Variants in IL12RB2 observed in about 807,000 individuals in gnomAD.
IL12RB2 encodes interleukin-12 receptor subunit beta-2.
IL12RB2 carries 82 observed loss-of-function variants against 89.4 expected under a neutral mutation model. The ratio of observed to expected loss-of-function variants is 0.92; its 90% CI spans 0.77 to 1.10. The LOEUF (loss-of-function observed/expected upper bound fraction) is 1.10. Among genes scored for constraint, IL12RB2 ranks in the 50% least tolerant of loss-of-function variants. The pLI is 0.00. For missense variants in IL12RB2, 963 were observed against 1,031.9 expected (o/e 0.93, Z 0.92); for synonymous variants, 368 against 370.1 (o/e 0.99, Z 0.07).
intron 15 of IL12RB2, among the ~76,000 whole-genome samples, chr1:67,389,168 G>C (rs1665539245): frequency 6.6e-6 from 1 of 152,000 alleles, no homozygotes; most frequent in Non-Finnish European, 1.5e-5. Flanking sequence ...GTTATTTGTG[G>C]ACTCAGTTTT....
rs776411133 is a variant in IL12RB2 at position 67,380,134 on chromosome 1, G to A, written c.1855+11G>A. On this transcript the variant is annotated intron_variant, in intron 14 of 16. Coordinates refer to ENST00000674203, the MANE Select transcript of IL12RB2 (RefSeq NM_001374259.2). ...AATTTTGTCTGCAAGGTGAGAGGCA[G>A]TGTTAAGGATGATGAGTCCACCCTG... 6.2e-7 allele frequency: 1 copy of A among 1,614,070 alleles called. No homozygotes were observed. The highest frequency in any genetic ancestry group is 8.5e-7 in the Non-Finnish European group (1 of 1,179,908).
intron 8 of IL12RB2, 28 bp downstream of exon 8, chr1:67,330,838 CG>C: frequency 7.6e-7 from 1 of 1,314,816 alleles, no homozygotes; most frequent in Non-Finnish European, 1.1e-6. Flanking sequence ...ACATACCTAT[CG>C]GGGAGCAATA....
At position 67,360,795 on chromosome 1, in the gene IL12RB2, C is replaced by CA. The variant is rs112229362; in HGVS notation, c.1259-7015dup. ...TGGGTGACAGAGGAAAACTCCGTCT[C>CA]AAAAAAAAAAAAAAATACACCAGAG... On this transcript the variant is annotated intron_variant, in intron 10 of 16. Transcript: ENST00000674203. Among the ~76,000 whole-genome samples, 478 of 130,178 alleles carry CA rather than the reference C, an allele frequency of 3.7e-3. 2 individuals are homozygous for CA. Among genetic ancestry groups the CA allele is most frequent in the Middle Eastern group, 4.0e-3 (1 of 250 alleles). 85.4% of individuals were successfully genotyped at this position (130,178 alleles called of 152,430 possible).
rs956743224 is a variant in IL12RB2 at position 67,397,570 on chromosome 1, T to C, written c.*1481T>C. On this transcript the variant is annotated 3_prime_UTR_variant, in exon 17 of 17. Transcript: ENST00000674203. ...CAACATGGACTTGGAACATGATCCA[T>C]GTTTTGCTCTTTAAAGCTGTGGCCC... Among the ~76,000 whole-genome samples the C allele has an allele frequency of 1.3e-5, 2 of 152,172 alleles. No individual in the cohort carries two copies. The highest frequency in any genetic ancestry group is 4.8e-5 in the African/African-American group (2 of 41,446).
At chr1:67,314,202 G>C (rs569056968) in intron 2 of IL12RB2, among the ~76,000 whole-genome samples, 156 of 152,278 alleles carry the variant, frequency 1.0e-3, no homozygotes, top group African/African-American at 3.5e-3. Flanking sequence ...CTAGTAACTC[G>C]TGTAGCTCCT....
At chr1:67,371,258 A>T (rs1167826273) in intron 11 of IL12RB2, among the ~76,000 whole-genome samples, 1 of 152,150 alleles carries the variant, frequency 6.6e-6, no homozygotes, top group East Asian at 1.9e-4. Flanking sequence ...TACCCATGGC[A>T]TGTGTTTTGA....
chr1:67,331,614 C>T (rs140412554), intron 8 of IL12RB2, among the ~76,000 whole-genome samples: 41 of 152,110 alleles, frequency 2.7e-4, no homozygotes, highest in Middle Eastern at 3.4e-3. Context: ...CTGAGGTGGG[C>T]AGATCACGAG....
intron 9 of IL12RB2, among the ~76,000 whole-genome samples, chr1:67,349,513 C>T (rs1266972026): frequency 6.6e-6 from 1 of 152,182 alleles, no homozygotes; most frequent in Non-Finnish European, 1.5e-5. Flanking sequence ...TTATTCTAAT[C>T]CATACAACAG....
intron 9 of IL12RB2, among the ~76,000 whole-genome samples, chr1:67,342,204 T>C (rs1159380216): frequency 3.3e-5 from 5 of 151,636 alleles, no homozygotes; most frequent in African/African-American, 1.2e-4. Flanking sequence ...TTTTTTGTTT[T>C]TTGGGTTTTT....
intron 1 of IL12RB2, 58 bp downstream of exon 1, chr1:67,308,025 C>T (rs966113826): frequency 6.6e-5 from 10 of 152,052 alleles, no homozygotes; most frequent in African/African-American, 2.2e-4. Flanking sequence ...CCCGGACCAG[C>T]GGGGTGTCTG....
intron 4 of IL12RB2, among the ~76,000 whole-genome samples, chr1:67,322,846 C>G (rs1224522355): frequency 6.6e-6 from 1 of 152,186 alleles, no homozygotes; most frequent in Non-Finnish European, 1.5e-5. Context: ...GAACCAGCAG[C>G]CAGCAGCACA....
intron 9 of IL12RB2, among the ~76,000 whole-genome samples, chr1:67,345,375 T>A (rs1172074925): frequency 2.6e-5 from 4 of 152,226 alleles, no homozygotes; most frequent in African/African-American, 7.2e-5. Context: ...GCTTATTCAG[T>A]ACATTCACTT....
At chr1:67,308,630 C>T (rs1654603377) in intron 1 of IL12RB2, among the ~76,000 whole-genome samples, 1 of 152,160 alleles carries the variant, frequency 6.6e-6, no homozygotes, top group Non-Finnish European at 1.5e-5. Context: ...CTAGGACACA[C>T]TAAATATCAG....
intron 1 of IL12RB2, among the ~76,000 whole-genome samples, chr1:67,311,278 G>A (rs180716066): frequency 1.3e-5 from 2 of 152,284 alleles, no homozygotes; most frequent in East Asian, 1.9e-4. Flanking sequence ...GGAGCCCTGA[G>A]GCATGCTGAG....
chr1:67,395,811 G>A lies in IL12RB2; in HGVS notation c.2311G>A (p.Glu771Lys), dbSNP rs780230506. Residue 771 changes from glutamate (E) to lysine (K), a missense_variant, in exon 17 of 17, where the codon GAG becomes AAG. Glu to Lys is a moderately conservative substitution (Grantham distance 56, BLOSUM62 1). Transcript: ENST00000674203. ...RQLVDLYKVLESRGSDPKPEN... is the reference protein window; with the variant it reads ...RQLVDLYKVLKSRGSDPKPEN... ...ACTGGTGGATCTGTACAAGGTGCTG[G>A]AGAGCAGGGGCTCCGACCCAAAGCC... 19 of 1,613,074 alleles carry A rather than the reference G, an allele frequency of 1.2e-5. No homozygotes were observed. In the Admixed American group the frequency reaches 3.2e-4, roughly 27 times the overall value.
At chr1:67,334,092 G>A (rs1658450548) in intron 8 of IL12RB2, among the ~76,000 whole-genome samples, 1 of 152,170 alleles carries the variant, frequency 6.6e-6, no homozygotes, top group Admixed American at 6.5e-5. Flanking sequence ...AATCCCTAAA[G>A]GGGGAGAAAA....
intron 1 of IL12RB2, among the ~76,000 whole-genome samples, chr1:67,308,681 C>G (rs1440802785): frequency 1.3e-5 from 2 of 152,154 alleles, no homozygotes; most frequent in African/African-American, 2.4e-5. Context: ...ACCATTAGAT[C>G]CAGGTCTTAC....
In IL12RB2 at chr1:67,395,861, G is replaced by A. The variant is rs17838065; in HGVS notation, c.2361G>A (p.Thr787=). 146 of 1,609,412 alleles carry A rather than the reference G, an allele frequency of 9.1e-5. No homozygotes were observed. The highest frequency in any genetic ancestry group is 1.1e-4 in the Non-Finnish European group (134 of 1,176,390). The change falls in exon 17 of 17, where the codon ACG becomes ACA. Residue 787 remains threonine, a synonymous_variant. Transcript: ENST00000674203. ...PKPENPACPW[T]VLPAGDLPTH... ...CCGAAAACCCAGCCTGTCCCTGGAC[G>A]GTGCTCCCAGCAGGTGACCTTCCCA...
chr1:67,339,359 C>A (rs570987162), intron 9 of IL12RB2, among the ~76,000 whole-genome samples: 1 of 151,952 alleles, frequency 6.6e-6, no homozygotes, highest in African/African-American at 2.4e-5. Flanking sequence ...TGGTGGCATG[C>A]GCCTGTAATC....
Sources: allele counts gnomAD v4.1 joint callset (sites outside exome capture counted in the v4.1 genomes callset), GRCh38; gene constraint gnomAD v4.1.1; transcripts MANE v1.5; gene names NCBI Gene and HGNC (gene_info 2026-07-23, HGNC 2026-07-21).